PTPRD: variants seen among roughly 807,000 people sequenced by gnomAD.
PTPRD encodes receptor-type tyrosine-protein phosphatase delta.
A neutral mutation model predicts 214.5 loss-of-function variants in PTPRD; 34 were observed. The ratio of observed to expected loss-of-function variants is 0.16; its 90% CI spans 0.12 to 0.21. The LOEUF is 0.21. Among genes scored for constraint, PTPRD ranks in the 10% least tolerant of loss-of-function variants. PTPRD has a pLI of 1.00. For synonymous variants in PTPRD, 1,128 were observed against 845.7 expected, an observed-to-expected ratio of 1.33 and a Z score of -5.79; for missense variants, 2,545 against 2,398.7, an observed-to-expected ratio of 1.06 and a Z score of -1.27.
At chr9:9,884,387 C>G (rs1344515678) in intron 5 of PTPRD, among the ~76,000 whole-genome samples, 6 of 152,104 alleles carry the variant, frequency 3.9e-5, no homozygotes, top group Non-Finnish European at 7.4e-5. Flanking sequence ...ACATGTAAGT[C>G]AGGAAGATAC....
At chr9:9,703,555 A>C (rs1486192251) in intron 7 of PTPRD, among the ~76,000 whole-genome samples, 1 of 152,166 alleles carries the variant, frequency 6.6e-6, no homozygotes, top group Non-Finnish European at 1.5e-5. Flanking sequence ...GCAGGTGATT[A>C]ATGTACACAT....
chr9:10,100,507 A>G (rs1186060376), intron 3 of PTPRD, among the ~76,000 whole-genome samples: 1 of 151,698 alleles, frequency 6.6e-6, no homozygotes, highest in Non-Finnish European at 1.5e-5. Context: ...TTTAGAAAGG[A>G]GGATGATCTC....
intron 30 of PTPRD, among the ~76,000 whole-genome samples, chr9:8,474,380 C>T (rs760856977): frequency 1.3e-5 from 2 of 152,026 alleles, no homozygotes; most frequent in Non-Finnish European, 2.9e-5. Flanking sequence ...CTTCATAGGT[C>T]GGGCCCACGT....
At chr9:9,316,243 T>C (rs1962993826) in intron 9 of PTPRD, among the ~76,000 whole-genome samples, 2 of 152,018 alleles carry the variant, frequency 1.3e-5, no homozygotes, top group South Asian at 2.1e-4. Flanking sequence ...CTCCTCTCTC[T>C]CTCCCCTACC....
intron 5 of PTPRD, among the ~76,000 whole-genome samples, chr9:9,850,985 C>T (rs1487409301): frequency 2.0e-5 from 3 of 152,090 alleles, no homozygotes; most frequent in African/African-American, 7.2e-5. Flanking sequence ...CCAGAAAGAC[C>T]TTAGTTGCCA....
chr9:9,623,958 A>G (rs1306458420), intron 7 of PTPRD, among the ~76,000 whole-genome samples: 1 of 152,204 alleles, frequency 6.6e-6, no homozygotes, highest in Non-Finnish European at 1.5e-5. Context: ...ACTGAGGAAA[A>G]GAGCGAGCTA....
intron 5 of PTPRD, among the ~76,000 whole-genome samples, chr9:9,826,256 C>G (rs73398660): frequency 2.0e-5 from 3 of 151,670 alleles, no homozygotes; most frequent in Non-Finnish European, 2.9e-5. Flanking sequence ...TATCTTCTTT[C>G]TAGTTCAGTC....
chr9:8,594,027 T>C (rs1246648196), intron 14 of PTPRD, among the ~76,000 whole-genome samples: 3 of 152,196 alleles, frequency 2.0e-5, no homozygotes, highest in African/African-American at 7.2e-5. Flanking sequence ...GGGACTTCTC[T>C]AGATCCCAAG....
intron 2 of PTPRD, among the ~76,000 whole-genome samples, chr9:10,522,017 G>T (rs141858091): frequency 6.6e-6 from 1 of 152,174 alleles, no homozygotes; most frequent in East Asian, 1.9e-4. Context: ...GTTAGGGAAG[G>T]GATGTATACA....
At chr9:9,577,986 C>A (rs1474594839) in intron 7 of PTPRD, among the ~76,000 whole-genome samples, 1 of 126,122 alleles carries the variant, frequency 7.9e-6, no homozygotes, top group African/African-American at 3.0e-5. Context: ...GCAGAGGTTG[C>A]AGTGAGCCGA....
At chr9:8,404,129 C>CT (rs909305305) in intron 36 of PTPRD, among the ~76,000 whole-genome samples, 1 of 152,090 alleles carries the variant, frequency 6.6e-6, no homozygotes, top group African/African-American at 2.4e-5. Flanking sequence ...TAATTACTTT[C>CT]TTTTTTTCTT....
intron 3 of PTPRD, among the ~76,000 whole-genome samples, chr9:10,308,746 C>A (rs950864077): frequency 6.6e-6 from 1 of 151,872 alleles, no homozygotes; most frequent in African/African-American, 2.4e-5. Flanking sequence ...TACTGGTATG[C>A]AGTTTTCCTT....
intron 5 of PTPRD, among the ~76,000 whole-genome samples, chr9:9,837,882 AG>A (rs1302971602): frequency 7.9e-5 from 12 of 152,134 alleles, no homozygotes; most frequent in Non-Finnish European, 1.6e-4. Flanking sequence ...CTCGTCATTT[AG>A]CATTAGGTAT....
At chr9:9,611,628 A>C (rs1428676801) in intron 7 of PTPRD, among the ~76,000 whole-genome samples, 1 of 152,044 alleles carries the variant, frequency 6.6e-6, no homozygotes, top group Non-Finnish European at 1.5e-5. Context: ...TTGGTCATCC[A>C]TAGTTTCAGA....
At chr9:9,003,486 A>G (rs2099433023) in intron 11 of PTPRD, among the ~76,000 whole-genome samples, 1 of 152,058 alleles carries the variant, frequency 6.6e-6, no homozygotes, top group Non-Finnish European at 1.5e-5. Flanking sequence ...GGTTTTAGAA[A>G]TACAGACTCC....
At chr9:9,146,523 G>A (rs528526940) in intron 10 of PTPRD, among the ~76,000 whole-genome samples, 54 of 152,108 alleles carry the variant, frequency 3.6e-4, no homozygotes, top group South Asian at 1.9e-3. Flanking sequence ...GGTGGTTGTC[G>A]TTTTTCTTTT....
chr9:9,205,733 T>C (rs1304170115), intron 9 of PTPRD, among the ~76,000 whole-genome samples: 1 of 152,218 alleles, frequency 6.6e-6, no homozygotes, highest in Non-Finnish European at 1.5e-5. Context: ...TATTTATCCA[T>C]TCTTTTACTC....
At chr9:8,331,403 CTGAT>C (rs1319415190) in intron 44 of PTPRD, among the ~76,000 whole-genome samples, 175 bp downstream of exon 44, 2 of 107,462 alleles carry the variant, frequency 1.9e-5, no homozygotes, top group East Asian at 5.2e-4. Flanking sequence ...ACATTTTCCT[CTGAT>C]TATTTTCACT....
At chr9:9,660,423 A>G (rs2096600891) in intron 7 of PTPRD, among the ~76,000 whole-genome samples, 1 of 152,006 alleles carries the variant, frequency 6.6e-6, no homozygotes, top group African/African-American at 2.4e-5. Flanking sequence ...GCCCTGGGTC[A>G]GTGAGTAGTA....
Sources: gnomAD v4.1 joint callset for allele counts (sites outside exome capture counted in the v4.1 genomes callset) on GRCh38, gnomAD v4.1.1 for gene constraint, MANE v1.5 for transcripts, NCBI Gene and HGNC (gene_info 2026-07-23, HGNC 2026-07-21) for gene names.